ERAP1: variants seen among roughly 807,000 people sequenced by gnomAD.
ERAP1 encodes adipocyte-derived leucine aminopeptidase.
In ERAP1, 86 loss-of-function variants were observed where a neutral mutation model predicts 103.7. The ratio of observed to expected loss-of-function variants is 0.83; its 90% CI spans 0.70 to 0.99. The LOEUF (loss-of-function observed/expected upper bound fraction) is 0.99, where lower values mean the gene tolerates loss of function less well. ERAP1 is among the 50% of genes least tolerant of loss of function. The pLI, the probability that ERAP1 is intolerant of heterozygous loss-of-function variation, is 0.00. For synonymous variants in ERAP1, 398 were observed against 402.4 expected, an observed-to-expected ratio of 0.99 and a Z score of 0.13; for missense variants, 1,009 against 1,128.4, an observed-to-expected ratio of 0.89 and a Z score of 1.52.
chr5:96,823,412 G>A, the ERAP1 span, among the ~76,000 whole-genome samples: 15 of 152,210 alleles, frequency 9.9e-5, no homozygotes, highest in African/African-American at 3.6e-4. Flanking sequence ...CTCCTCATTC[G>A]AGTCCACAGT....
the ERAP1 span, chr5:96,873,281 C>T: frequency 6.6e-6 from 3 of 453,546 alleles, no homozygotes; most frequent in Admixed American, 7.1e-5. Context: ...CTCATTCATT[C>T]TCACCTGTTT....
In ERAP1 at chr5:96,797,225, T is replaced by C. The variant is rs2150977145; in HGVS notation, c.748A>G (p.Ile250Val). 4 of 1,614,228 alleles carry C rather than the reference T, an allele frequency of 2.5e-6. No individual in the cohort carries two copies. Among genetic ancestry groups the C allele is most frequent in the East Asian group, 4.5e-5 (2 of 44,884 alleles). ...CTGACAGACTCAAAATCTGAAATGA[T>C]GAAGGCCACCAGATAGGTGCTCATC... Reference protein sequence around the residue: ...VKMSTYLVAFIISDFESVSKI... With the variant: ...VKMSTYLVAFVISDFESVSKI... Residue 250 changes from isoleucine (I) to valine (V), a missense_variant, in exon 4 of 19, where the codon ATC becomes GTC. Ile to Val is a conservative substitution (Grantham distance 29). Around this residue, in one of 3 missense-constraint regions of ERAP1, gnomAD observed 392 missense variants for 455.2 expected, o/e 0.86. Transcript: ENST00000443439.
chr5:96,837,827 G>A, the ERAP1 span, among the ~76,000 whole-genome samples: 2 of 152,174 alleles, frequency 1.3e-5, no homozygotes, highest in African/African-American at 4.8e-5. Flanking sequence ...GCTGGTGAAA[G>A]TGGCTCTCAG....
Position 96,803,805 on chromosome 5 carries a change from C to T in ERAP1, c.122G>A (p.Arg41His), listed in dbSNP as rs550787852. The stretch of plus-strand genomic sequence containing the variant: ...CCAAGGAAATGGTGTCCCATCACTA[C>T]GTTTTGGAGATGCTTCAGTGCTCTG... ...WCQSTEASPKRSDGTPFPWNK... is the reference protein window; with the variant it reads ...WCQSTEASPKHSDGTPFPWNK... Residue 41 changes from arginine (R) to histidine (H), a missense_variant, in exon 2 of 19, where the codon CGT (arginine) becomes CAT (histidine). Physicochemically the swap from Arg to His is conservative, Grantham distance 29. Transcript: ENST00000443439. The T allele has an allele frequency of 3.9e-5, 63 of 1,613,998 alleles. No homozygotes were observed. Among genetic ancestry groups the T allele is most frequent in the South Asian group, 6.6e-5 (6 of 91,086 alleles).
In ERAP1 at chr5:96,776,015, A is replaced by G. The variant is rs946994286; in HGVS notation, c.*381T>C. On this transcript the variant is annotated 3_prime_UTR_variant, in exon 19 of 19. Coordinates refer to ENST00000443439, the MANE Select transcript of ERAP1 (RefSeq NM_001040458.3). ...TCTCAGATCCAGGTGTTCATTGTTC[A>G]GTAGTCGACTATTCAGAGTCTTTCG... 2 of 1,114,824 alleles carry G rather than the reference A, an allele frequency of 1.8e-6. No homozygotes were observed. The highest frequency in any genetic ancestry group is 6.9e-5 in the East Asian group (1 of 14,492). The allele number at this position is 1,114,824 out of a possible 1,614,324, so 69.1% of individuals were successfully genotyped here. A position where few individuals can be genotyped will look rare whatever the true frequency, so the allele number is the denominator to read the frequency against.
the ERAP1 span, among the ~76,000 whole-genome samples, chr5:96,855,754 A>G: frequency 6.6e-6 from 1 of 152,222 alleles, no homozygotes; most frequent in Non-Finnish European, 1.5e-5. Flanking sequence ...CTGATTTCAC[A>G]GTCAAGAGTG....
chr5:96,838,180 C>T, the ERAP1 span, among the ~76,000 whole-genome samples: 5 of 152,156 alleles, frequency 3.3e-5, no homozygotes, highest in African/African-American at 1.2e-4. Flanking sequence ...CGAACCTGCC[C>T]TCTTCTGCCC....
the ERAP1 span, among the ~76,000 whole-genome samples, chr5:96,872,347 A>C: frequency 9.2e-5 from 14 of 151,944 alleles, no homozygotes; most frequent in Non-Finnish European, 1.6e-4. Context: ...AAAAAAAAAA[A>C]AAAAAGGAAG....
the ERAP1 span, chr5:96,915,690 T>G: frequency 6.6e-7 from 1 of 1,513,546 alleles, no homozygotes; most frequent in South Asian, 1.3e-5. Flanking sequence ...ATTTTCAGAT[T>G]TGACTTGGGC....
intron 11 of ERAP1, chr5:96,786,783 G>A (rs572938496): frequency 8.1e-6 from 4 of 494,018 alleles, no homozygotes; most frequent in Admixed American, 6.7e-5. Context: ...TTGGACTCAC[G>A]TGAACCCTGA....
chr5:96,889,612 G>T, the ERAP1 span: 1 of 652,466 alleles, frequency 1.5e-6, no homozygotes, highest in Non-Finnish European at 2.7e-6. Flanking sequence ...CCAGGTAGAG[G>T]GTCCAGGAAA....
intron 4 of ERAP1, among the ~76,000 whole-genome samples, chr5:96,795,867 A>G (rs1167693140): frequency 1.3e-5 from 2 of 152,232 alleles, no homozygotes; most frequent in African/African-American, 4.8e-5. Flanking sequence ...GAAACAACGA[A>G]CCACAAAATC....
intron 7 of ERAP1, 42 bp from the exon 8 acceptor site, chr5:96,792,234 T>A (rs772334981): frequency 3.9e-5 from 63 of 1,602,100 alleles, no homozygotes; most frequent in Non-Finnish European, 5.2e-5. Context: ...ATGATTTACA[T>A]TTAGATAAAA....
chr5:96,884,143 A>C, the ERAP1 span, among the ~76,000 whole-genome samples: 231 of 105,830 alleles, frequency 2.2e-3, no homozygotes, highest in African/African-American at 8.0e-3. Flanking sequence ...GTTACACAGG[A>C]AGCTTTTTTT....
the ERAP1 span, among the ~76,000 whole-genome samples, chr5:96,853,192 AGCCTTT>A: frequency 6.6e-6 from 1 of 152,206 alleles, no homozygotes; most frequent in Non-Finnish European, 1.5e-5. Context: ...AGAATAAATG[AGCCTTT>A]AGGTCCAAAA....
the ERAP1 span, among the ~76,000 whole-genome samples, chr5:96,830,379 C>G: frequency 6.6e-6 from 1 of 152,300 alleles, no homozygotes; most frequent in East Asian, 1.9e-4. Context: ...ATGATTCCCC[C>G]ACTCCAGGTT....
At chr5:96,778,466 G>C (rs1257551385) in intron 18 of ERAP1, among the ~76,000 whole-genome samples, 1 of 152,154 alleles carries the variant, frequency 6.6e-6, no homozygotes, top group Non-Finnish European at 1.5e-5. Context: ...GAGGCTTAAA[G>C]ACAGGAGAAA....
rs369612391 is a variant in ERAP1, at chr5:96,805,526, G to C, written c.-17-1583C>G. The C allele has an allele frequency of 2.0e-5, 3 of 152,116 alleles. No individual in the cohort carries two copies. In the South Asian group the frequency reaches 6.2e-4, roughly 32 times the overall value. 9.4% of individuals were successfully genotyped at this position (152,116 alleles called of 1,614,324 possible). A position where few individuals can be genotyped will look rare whatever the true frequency, so the allele number is the denominator to read the frequency against. ...TGACTTCCTTGCTCCCTTCCCAAATGCACAGCTCAAGGGAATTCCCTTCTC... is the reference window on the plus strand; with the variant it reads ...TGACTTCCTTGCTCCCTTCCCAAATCCACAGCTCAAGGGAATTCCCTTCTC... On this transcript the variant is annotated intron_variant, in intron 1 of 18. Transcript: ENST00000443439.
the ERAP1 span, among the ~76,000 whole-genome samples, chr5:96,906,638 A>G: frequency 6.6e-6 from 1 of 152,216 alleles, no homozygotes; most frequent in Non-Finnish European, 1.5e-5. Flanking sequence ...AATGTAATTT[A>G]AAGACAGGGG....
Sources: gnomAD v4.1 joint callset for allele counts (sites outside exome capture counted in the v4.1 genomes callset) on GRCh38, gnomAD v4.1.1 for gene constraint, gnomAD v4.1.1 regional missense constraint, MANE v1.5 for transcripts, NCBI Gene and HGNC (gene_info 2026-07-23, HGNC 2026-07-21) for gene names.